EPHA6: variants seen among roughly 807,000 people sequenced by gnomAD.
EPHA6 encodes the protein EPH receptor A6.
EPHA6 carries 50 observed loss-of-function variants against 112.0 expected under a neutral mutation model. The observed-to-expected ratio is 0.45, with a 90% CI of 0.36 to 0.56. The LOEUF (loss-of-function observed/expected upper bound fraction) is 0.56, where lower values mean the gene tolerates loss of function less well. EPHA6 is among the 20% of genes least tolerant of loss of function. EPHA6 has a pLI of 0.00. For missense variants in EPHA6, 1,280 were observed against 1,417.4 expected (o/e 0.90, Z 1.56); for synonymous variants, 529 against 490.7 (o/e 1.08, Z -1.03).
intron 2 of EPHA6, among the ~76,000 whole-genome samples, chr3:96,883,974 G>A (rs936287466): frequency 2.1e-4 from 32 of 152,060 alleles, no homozygotes; most frequent in Non-Finnish European, 3.5e-4. Flanking sequence ...TGTGAAAATG[G>A]TGTCCTTTCC....
chr3:97,556,195 G>T (rs1560134000), intron 11 of EPHA6, among the ~76,000 whole-genome samples: 2 of 151,900 alleles, frequency 1.3e-5, no homozygotes, highest in Non-Finnish European at 2.9e-5. Context: ...TTTTGTCCAA[G>T]TTTTCCCCAC....
chr3:97,300,106 A>G (rs150247750), intron 5 of EPHA6, among the ~76,000 whole-genome samples: 1 of 152,228 alleles, frequency 6.6e-6, no homozygotes. Flanking sequence ...CATAACTTTC[A>G]AGAAGATTAG....
chr3:97,228,578 T>TTA (rs34508672), intron 4 of EPHA6, among the ~76,000 whole-genome samples: 21,647 of 149,460 alleles, frequency 0.14, 1,942 homozygotes, highest in Non-Finnish European at 0.22. Flanking sequence ...CATATAAATG[T>TTA]TATATATATA....
chr3:97,667,345 T>C (rs1373024857), intron 14 of EPHA6, among the ~76,000 whole-genome samples: 2 of 152,228 alleles, frequency 1.3e-5, no homozygotes. Context: ...CTGTTACTTT[T>C]GTTGAAAATG....
intron 13 of EPHA6, among the ~76,000 whole-genome samples, chr3:97,630,516 ATTTAAC>A (rs2093893916): frequency 6.6e-6 from 1 of 152,080 alleles, no homozygotes; most frequent in Non-Finnish European, 1.5e-5. Context: ...AAAAACTGAA[ATTTAAC>A]TTTAAACTTA....
chr3:96,962,122 G>A (rs2041965942), intron 2 of EPHA6, among the ~76,000 whole-genome samples: 1 of 150,472 alleles, frequency 6.6e-6, no homozygotes, highest in Non-Finnish European at 1.5e-5. Flanking sequence ...TGTGTACACA[G>A]ACAGAGAAAC....
chr3:97,187,531 A>G (rs1440310663), intron 3 of EPHA6, among the ~76,000 whole-genome samples: 4 of 150,980 alleles, frequency 2.6e-5, no homozygotes, highest in Non-Finnish European at 5.9e-5. Flanking sequence ...AGATTGTAAC[A>G]CTGCACTCCA....
At chr3:97,356,090 C>CT (rs1213023323) in intron 5 of EPHA6, among the ~76,000 whole-genome samples, 1 of 152,186 alleles carries the variant, frequency 6.6e-6, no homozygotes, top group Middle Eastern at 3.2e-3. Flanking sequence ...GCATTACTGC[C>CT]TGAGCTCTGC....
At chr3:96,848,589 C>G (rs1030439662) in intron 1 of EPHA6, among the ~76,000 whole-genome samples, 5 of 152,042 alleles carry the variant, frequency 3.3e-5, no homozygotes, top group Non-Finnish European at 5.9e-5. Context: ...CTCACCACTG[C>G]ACCCCAGCTT....
intron 6 of EPHA6, among the ~76,000 whole-genome samples, chr3:97,411,048 GTT>G (rs374244249): frequency 4.1e-5 from 6 of 145,588 alleles, no homozygotes; most frequent in Admixed American, 2.1e-4. Context: ...GAATCAGCAA[GTT>G]TTTTTTTTTT....
Position 97,156,167 on chromosome 3 carries a change from T to G in EPHA6, c.1115-70097T>G, listed in dbSNP as rs146732360. On this transcript the variant is annotated intron_variant, in intron 3 of 17. Coordinates refer to ENST00000389672, the MANE Select transcript of EPHA6 (RefSeq NM_001080448.3). ...TGAGCTTGGAAAATTGAAATAATAC[T>G]GGTCAGAGTCAAGGGAGTGTTCATG... is the stretch of plus-strand genomic sequence containing the variant. Among the ~76,000 whole-genome samples, 879 of 152,238 alleles carry G rather than the reference T, an allele frequency of 5.8e-3. 7 individuals are homozygous for G. The highest frequency in any genetic ancestry group is 0.02 in the African/African-American group (850 of 41,548).
intron 3 of EPHA6, among the ~76,000 whole-genome samples, chr3:97,026,483 G>C (rs565226430): frequency 3.3e-5 from 5 of 152,174 alleles, no homozygotes; most frequent in African/African-American, 1.2e-4. Context: ...TTTTGACTTA[G>C]CCATATTCCT....
chr3:97,475,249 C>A, intron 7 of EPHA6, 103 bp from the exon 8 acceptor site: 2 of 812,786 alleles, frequency 2.5e-6, no homozygotes, highest in Non-Finnish European at 1.9e-6. Flanking sequence ...ATATACTGAG[C>A]TTGGCATCCG....
chr3:97,244,291 A>C lies in EPHA6; in HGVS notation c.1606+4A>C. 1 of 1,611,996 alleles carries C rather than the reference A, an allele frequency of 6.2e-7. No individual in the cohort carries two copies. Among genetic ancestry groups the C allele is most frequent in the Non-Finnish European group, 8.5e-7 (1 of 1,178,460 alleles). On this transcript the variant is annotated splice_donor_region_variant and intron_variant, in intron 5 of 17. Transcript: ENST00000389672. ...ACAGTGACCACGGATCAAGATGGTA[A>C]GTTCCACTGCTGTTCTCTCAAAACA...
chr3:97,541,740 T>G (rs1342732445), intron 11 of EPHA6, among the ~76,000 whole-genome samples: 5 of 144,168 alleles, frequency 3.5e-5, no homozygotes, highest in South Asian at 2.1e-4. Context: ...TTTTTTTTTT[T>G]GTTTGTTTGT....
At chr3:97,342,512 A>C (rs1215550203) in intron 5 of EPHA6, among the ~76,000 whole-genome samples, 1 of 152,186 alleles carries the variant, frequency 6.6e-6, no homozygotes, top group Non-Finnish European at 1.5e-5. Flanking sequence ...GTGTAGCCTC[A>C]GGCTTGCACA....
chr3:97,289,606 T>C (rs966762531), intron 5 of EPHA6, among the ~76,000 whole-genome samples: 3 of 152,072 alleles, frequency 2.0e-5, no homozygotes, highest in African/African-American at 4.8e-5. Flanking sequence ...TTTTCCTAAT[T>C]TGGTACTTTT....
intron 2 of EPHA6, among the ~76,000 whole-genome samples, chr3:96,887,063 G>C (rs59104672): frequency 0.25 from 38,322 of 152,010 alleles, 9,064 homozygotes; most frequent in African/African-American, 0.6. Flanking sequence ...ATTGACTAAC[G>C]TCCTGAATTC....
At chr3:97,537,148 G>A (rs551901452) in intron 11 of EPHA6, among the ~76,000 whole-genome samples, 1 of 152,270 alleles carries the variant, frequency 6.6e-6, no homozygotes, top group Non-Finnish European at 1.5e-5. Context: ...AAGTAGAAAA[G>A]TTATAGGTAA....
Sources: allele counts gnomAD v4.1 joint callset (sites outside exome capture counted in the v4.1 genomes callset), GRCh38; gene constraint gnomAD v4.1.1; transcripts MANE v1.5; gene names NCBI Gene and HGNC (gene_info 2026-07-23, HGNC 2026-07-21).